Variants in RNF152 observed in about 807,000 individuals in gnomAD.
RNF152 encodes the protein ring finger protein 152.
Under a neutral mutation model 12.7 loss-of-function variants are expected in RNF152, and 11 were observed. The ratio of observed to expected loss-of-function variants is 0.86; its 90% CI spans 0.54 to 1.43. RNF152 has a LOEUF of 1.43. Ranked by LOEUF, RNF152 falls within the 40% of genes most tolerant of loss-of-function variation. RNF152 has a pLI of 0.00. For missense variants in RNF152, 255 were observed against 274.8 expected, an observed-to-expected ratio of 0.93 and a Z score of 0.51; for synonymous variants, 113 against 120.3, an observed-to-expected ratio of 0.94 and a Z score of 0.40.
chr18:61,870,883 T>C (rs1041373979), intron 1 of RNF152, among the ~76,000 whole-genome samples: 29 of 152,078 alleles, frequency 1.9e-4, no homozygotes, highest in Non-Finnish European at 4.1e-4. Context: ...ATTGCACCCA[T>C]GATTCCATCC....
intron 1 of RNF152, among the ~76,000 whole-genome samples, chr18:61,842,090 T>C (rs1910480566): frequency 6.6e-6 from 1 of 152,230 alleles, no homozygotes; most frequent in Admixed American, 6.5e-5. Flanking sequence ...AAAACTAAAT[T>C]CAGCTCTGAG....
intron 1 of RNF152, among the ~76,000 whole-genome samples, chr18:61,866,854 A>C (rs1911755826): frequency 1.3e-5 from 2 of 152,224 alleles, no homozygotes; most frequent in East Asian, 1.9e-4. Flanking sequence ...GCACCAAGGA[A>C]TGCATTAAGG....
chr18:61,826,555 T>A (rs548853643), intron 1 of RNF152, among the ~76,000 whole-genome samples: 1 of 135,130 alleles, frequency 7.4e-6, no homozygotes, highest in Admixed American at 7.2e-5. Context: ...GTTGTATGCA[T>A]ATATAAACTT....
intron 1 of RNF152, among the ~76,000 whole-genome samples, chr18:61,875,954 T>G (rs1912196596): frequency 6.6e-6 from 1 of 151,904 alleles, no homozygotes; most frequent in East Asian, 1.9e-4. Flanking sequence ...CACATCCTCC[T>G]CCAGTCCCCA....
In RNF152 at chr18:61,877,628, C is replaced by T. The variant is rs566826532; in HGVS notation, c.-136+15167G>A. Among the ~76,000 whole-genome samples, 9 of 152,248 alleles carry T rather than the reference C, an allele frequency of 5.9e-5. No homozygotes were observed. The South Asian group carries it at 8.3e-4, about 14-fold the overall frequency. ...AGCTCAAAGCTGCTTGTTAATCACA[C>T]GTCAAAATTATTAGGGTGGTAGGAA... On this transcript the variant is annotated intron_variant, in intron 1 of 1. Transcript: ENST00000312828.
chr18:61,844,138 GAAAT>G (rs1910628440), intron 1 of RNF152, among the ~76,000 whole-genome samples: 3 of 127,866 alleles, frequency 2.3e-5, no homozygotes, highest in East Asian at 2.4e-4. Context: ...AAGAAAGAAA[GAAAT>G]TAAGAGAAAA....
chr18:61,817,732 T>C (rs887024250), intron 1 of RNF152, among the ~76,000 whole-genome samples: 2 of 136,120 alleles, frequency 1.5e-5, no homozygotes, highest in African/African-American at 5.4e-5. Context: ...CTGGCAAGCA[T>C]TCCTCATTGT....
At chr18:61,886,777 CAG>C (rs1912720035) in intron 1 of RNF152, among the ~76,000 whole-genome samples, 1 of 152,142 alleles carries the variant, frequency 6.6e-6, no homozygotes, top group African/African-American at 2.4e-5. Context: ...TGCAATTAAA[CAG>C]AAAGAAAAAG....
In RNF152 at chr18:61,888,691, C is replaced by A. The variant is rs1912808535; in HGVS notation, c.-136+4104G>T. The A allele has an allele frequency of 2.0e-5, 3 of 152,330 alleles. No individual in the cohort carries two copies. The South Asian group carries it at 6.2e-4, about 32-fold the overall frequency. 9.4% of individuals were successfully genotyped at this position (152,330 alleles called of 1,614,324 possible). A position where few individuals can be genotyped will look rare whatever the true frequency, so the allele number is the denominator to read the frequency against. On this transcript the variant is annotated intron_variant, in intron 1 of 1. Coordinates refer to ENST00000312828, the MANE Select transcript of RNF152 (RefSeq NM_173557.3). ...TTATGAGGGGTTTATGAGGATATAA[C>A]CCCACTGTAAATTAAGAAGCATCTC...
intron 1 of RNF152, among the ~76,000 whole-genome samples, chr18:61,823,142 C>G (rs1218188530): frequency 6.6e-6 from 1 of 152,214 alleles, no homozygotes; most frequent in Non-Finnish European, 1.5e-5. Flanking sequence ...ATTGACGTAA[C>G]TACAGTCATT....
chr18:61,879,269 T>A (rs1260020973), intron 1 of RNF152, among the ~76,000 whole-genome samples: 1 of 152,184 alleles, frequency 6.6e-6, no homozygotes, highest in African/African-American at 2.4e-5. Flanking sequence ...GTGTTTACAT[T>A]TACATCATGT....
At chr18:61,881,612 C>T (rs975926553) in intron 1 of RNF152, among the ~76,000 whole-genome samples, 2 of 152,176 alleles carry the variant, frequency 1.3e-5, no homozygotes, top group African/African-American at 4.8e-5. Flanking sequence ...GCAACTAGAA[C>T]TAGGCTGACT....
At chr18:61,862,488 A>G (rs1911530998) in intron 1 of RNF152, among the ~76,000 whole-genome samples, 1 of 152,222 alleles carries the variant, frequency 6.6e-6, no homozygotes, top group Admixed American at 6.5e-5. Context: ...AAGACCCTCC[A>G]TGAGGGGATC....
At chr18:61,854,286 C>T (rs1911118779) in intron 1 of RNF152, among the ~76,000 whole-genome samples, 1 of 152,166 alleles carries the variant, frequency 6.6e-6, no homozygotes, top group Admixed American at 6.5e-5. Context: ...GGCAGGAATT[C>T]ATTATACAGA....
chr18:61,850,188 T>C (rs924459788), intron 1 of RNF152, among the ~76,000 whole-genome samples: 1 of 152,244 alleles, frequency 6.6e-6, no homozygotes, highest in African/African-American at 2.4e-5. Context: ...GTGGGCAAGT[T>C]ATCTAACCTT....
chr18:61,815,839 C>T lies in RNF152; in HGVS notation c.*13G>A. The stretch of plus-strand genomic sequence containing the variant: ...TAAGTTGGCACCCACAAGAGACTTC[C>T]CTGCAGCCCTCTTCAGCCACAGGAT... On this transcript the variant is annotated 3_prime_UTR_variant, in exon 2 of 2. Coordinates refer to ENST00000312828, the MANE Select transcript of RNF152 (RefSeq NM_173557.3). 5 of 1,608,610 alleles carry T rather than the reference C, an allele frequency of 3.1e-6. No homozygotes were observed. Among genetic ancestry groups the T allele is most frequent in the Non-Finnish European group, 4.3e-6 (5 of 1,175,686 alleles).
intron 1 of RNF152, among the ~76,000 whole-genome samples, chr18:61,870,532 GC>G (rs1183389918): frequency 6.6e-6 from 1 of 152,152 alleles, no homozygotes; most frequent in East Asian, 1.9e-4. Context: ...TGGTTCCAAA[GC>G]CTGCTATGCT....
intron 1 of RNF152, among the ~76,000 whole-genome samples, chr18:61,873,811 G>A (rs1912100841): frequency 6.6e-6 from 1 of 152,200 alleles, no homozygotes; most frequent in Non-Finnish European, 1.5e-5. Flanking sequence ...CACAACCCAA[G>A]GAAAGTGGAC....
At chr18:61,879,601 G>A (rs763717954) in intron 1 of RNF152, among the ~76,000 whole-genome samples, 10 of 152,150 alleles carry the variant, frequency 6.6e-5, no homozygotes, top group Admixed American at 3.3e-4. Context: ...ATACAAAAGG[G>A]TATGATTTAT....
Sources: gnomAD v4.1 joint callset for allele counts (sites outside exome capture counted in the v4.1 genomes callset) on GRCh38, gnomAD v4.1.1 for gene constraint, MANE v1.5 for transcripts, NCBI Gene and HGNC (gene_info 2026-07-23, HGNC 2026-07-21) for gene names.